SLC24A3: variants seen among roughly 807,000 people sequenced by gnomAD.
SLC24A3 encodes sodium/potassium/calcium exchanger 3.
Under a neutral mutation model 75.8 loss-of-function variants are expected in SLC24A3, and 28 were observed. The ratio of observed to expected loss-of-function variants is 0.37; its 90% CI spans 0.27 to 0.51. SLC24A3 has a LOEUF of 0.51. SLC24A3 is among the 20% of genes least tolerant of loss of function. SLC24A3 has a pLI of 0.94. For synonymous variants in SLC24A3, 372 were observed against 334.1 expected, an observed-to-expected ratio of 1.11 and a Z score of -1.24; for missense variants, 663 against 847.8, an observed-to-expected ratio of 0.78 and a Z score of 2.71.
intron 3 of SLC24A3, among the ~76,000 whole-genome samples, chr20:19,561,891 C>T (rs1040119077): frequency 7.9e-5 from 12 of 152,120 alleles, no homozygotes; most frequent in African/African-American, 2.7e-4. Flanking sequence ...ACCACAGTAT[C>T]GTTACTACCT....
intron 2 of SLC24A3, among the ~76,000 whole-genome samples, chr20:19,317,828 C>A (rs547311127): frequency 1.3e-5 from 2 of 152,194 alleles, no homozygotes; most frequent in Non-Finnish European, 2.9e-5. Context: ...AAGGTGCCCT[C>A]GGGCATCACA....
chr20:19,303,788 G>A (rs1984256875), intron 2 of SLC24A3, among the ~76,000 whole-genome samples: 1 of 152,218 alleles, frequency 6.6e-6, no homozygotes, highest in South Asian at 2.1e-4. Flanking sequence ...TGCATGATAG[G>A]AGGTTATCCC....
chr20:19,314,923 G>C (rs1049132870), intron 2 of SLC24A3, among the ~76,000 whole-genome samples: 3 of 152,326 alleles, frequency 2.0e-5, no homozygotes, highest in East Asian at 3.9e-4. Flanking sequence ...CAGAATTGCA[G>C]TATCACCCTG....
chr20:19,455,992 A>G (rs531867851), intron 2 of SLC24A3, among the ~76,000 whole-genome samples: 1 of 152,368 alleles, frequency 6.6e-6, no homozygotes, highest in South Asian at 2.1e-4. Context: ...CTATGAGTTT[A>G]TAATGTACTG....
intron 3 of SLC24A3, among the ~76,000 whole-genome samples, chr20:19,572,468 CAG>C (rs112787323): frequency 0.028 from 4,287 of 152,228 alleles, 99 homozygotes; most frequent in South Asian, 0.086. Context: ...TTAGCCCACT[CAG>C]GGGTACTGAT....
chr20:19,637,683 A>G (rs1039544639), intron 6 of SLC24A3, among the ~76,000 whole-genome samples: 3 of 152,250 alleles, frequency 2.0e-5, no homozygotes, highest in Non-Finnish European at 4.4e-5. Context: ...ACGGATTAGA[A>G]TGTAAATGTT....
In SLC24A3 at chr20:19,696,911, G is replaced by A. The variant is rs1284201158; in HGVS notation, c.1606G>A (p.Gly536Arg). ...CMASLIVARQ[G>R]MGDMAVSNSI... ...GGCCAGCCTCATTGTGGCCAGACAA[G>A]GTGGGACTTCCAGTGGCAATGGGGA... The change falls in exon 14 of 17, where the codon GGG (glycine) becomes AGG (arginine). Residue 536 changes from glycine (G) to arginine (R), a missense_variant and splice_region_variant. Around this residue, in one of 2 missense-constraint regions of SLC24A3, gnomAD observed 510 missense variants for 703.6 expected, o/e 0.72. Transcript: ENST00000328041. 6.3e-7 allele frequency: 1 copy of A among 1,590,492 alleles called. No homozygotes were observed. The highest frequency in any genetic ancestry group is 2.3e-5 in the East Asian group (1 of 43,680).
chr20:19,353,377 A>T (rs1985615082), intron 2 of SLC24A3, among the ~76,000 whole-genome samples: 1 of 152,198 alleles, frequency 6.6e-6, no homozygotes, highest in African/African-American at 2.4e-5. Context: ...CAGTTTAATC[A>T]TAGCTATTTA....
chr20:19,508,787 T>C (rs1279565458), intron 2 of SLC24A3, among the ~76,000 whole-genome samples: 1 of 152,242 alleles, frequency 6.6e-6, no homozygotes, highest in Non-Finnish European at 1.5e-5. Flanking sequence ...ATTTGGGGAA[T>C]GACTCTCAGC....
chr20:19,678,615 A>G (rs905014939), intron 9 of SLC24A3, among the ~76,000 whole-genome samples: 7 of 134,454 alleles, frequency 5.2e-5, no homozygotes, highest in Non-Finnish European at 1.1e-4. Context: ...CACCTCCCGG[A>G]CGGGGCGGCT....
At chr20:19,640,640 CTCCGA>C in intron 6 of SLC24A3, among the ~76,000 whole-genome samples, 1 of 152,214 alleles carries the variant, frequency 6.6e-6, no homozygotes, top group South Asian at 2.1e-4. Context: ...ATCCCAGCTA[CTCCGA>C]AGTGTGAGGC....
intron 1 of SLC24A3, among the ~76,000 whole-genome samples, chr20:19,230,663 G>GC (rs559830047): frequency 1.2e-5 from 1 of 81,258 alleles, no homozygotes; most frequent in Admixed American, 1.1e-4. Flanking sequence ...CATATTGATG[G>GC]GGGGGGTGCC....
intron 2 of SLC24A3, among the ~76,000 whole-genome samples, chr20:19,369,774 A>AAG: frequency 6.6e-6 from 1 of 152,326 alleles, no homozygotes; most frequent in South Asian, 2.1e-4. Flanking sequence ...CAGGGGCACA[A>AAG]TACCTGTATT....
intron 2 of SLC24A3, among the ~76,000 whole-genome samples, chr20:19,281,698 C>G (rs1011489572): frequency 2.0e-5 from 3 of 152,082 alleles, no homozygotes; most frequent in Non-Finnish European, 4.4e-5. Context: ...GCCTCAGGGA[C>G]GTGACAGGCA....
chr20:19,346,110 G>GATATATATAT (rs1985398822), intron 2 of SLC24A3, among the ~76,000 whole-genome samples: 1 of 29,950 alleles, frequency 3.3e-5, no homozygotes. Flanking sequence ...TATATATATG[G>GATATATATAT]TGTGTGTGTG....
intron 2 of SLC24A3, among the ~76,000 whole-genome samples, chr20:19,457,156 C>A (rs1454274959): frequency 6.6e-6 from 1 of 152,088 alleles, no homozygotes; most frequent in Non-Finnish European, 1.5e-5. Flanking sequence ...AAAGGGAAAC[C>A]CTAATGGCGT....
intron 2 of SLC24A3, among the ~76,000 whole-genome samples, chr20:19,440,560 C>T (rs535938793): frequency 9.2e-5 from 14 of 151,500 alleles, no homozygotes; most frequent in South Asian, 4.2e-4. Flanking sequence ...GTGCCGACAA[C>T]GAACATTTCC....
intron 10 of SLC24A3, among the ~76,000 whole-genome samples, chr20:19,682,448 CA>C (rs1460732359): frequency 6.6e-6 from 1 of 152,096 alleles, no homozygotes; most frequent in East Asian, 1.9e-4. Context: ...ACTACAATGT[CA>C]TGGAGCCATC....
intron 6 of SLC24A3, among the ~76,000 whole-genome samples, chr20:19,615,921 G>A (rs2031729812): frequency 6.6e-6 from 1 of 152,090 alleles, no homozygotes; most frequent in African/African-American, 2.4e-5. Flanking sequence ...AGCCACTACT[G>A]GCTTCTCTCT....
Sources: allele counts gnomAD v4.1 joint callset (sites outside exome capture counted in the v4.1 genomes callset), GRCh38; gene constraint gnomAD v4.1.1; regional missense constraint gnomAD v4.1.1; transcripts MANE v1.5; gene names NCBI Gene and HGNC (gene_info 2026-07-23, HGNC 2026-07-21).